The following LINGO2 variants were observed in gnomAD, a reference collection of about 807,000 sequenced individuals.
LINGO2 encodes leucine rich repeat and Ig domain containing 2.
In LINGO2, 14 loss-of-function variants were observed where a neutral mutation model predicts 30.6. The ratio of observed to expected loss-of-function variants is 0.46; its 90% CI spans 0.30 to 0.72. The LOEUF is 0.72. LINGO2 is among the 30% of genes least tolerant of loss of function. The pLI is 0.07. For synonymous variants in LINGO2, 317 were observed against 288.5 expected (o/e 1.10, Z -1.00); for missense variants, 729 against 751.7 (o/e 0.97, Z 0.35).
At chr9:27,979,420 G>A (rs145817503) in intron 5 of LINGO2, among the ~76,000 whole-genome samples, 1 of 152,042 alleles carries the variant, frequency 6.6e-6, no homozygotes, top group Non-Finnish European at 1.5e-5. Context: ...TGCTTCACTT[G>A]GTGATCCAGG....
chr9:29,119,532 C>T, the LINGO2 span, among the ~76,000 whole-genome samples: 1 of 149,002 alleles, frequency 6.7e-6, no homozygotes, highest in African/African-American at 2.5e-5. Context: ...GTAAGAATTG[C>T]TATAATAAGT....
At chr9:28,863,729 C>A in the LINGO2 span, 5 of 490,016 alleles carry the variant, frequency 1.0e-5, no homozygotes. Flanking sequence ...AGCCTGGTAC[C>A]TATGAACCAA....
At chr9:28,325,480 G>C (rs1182670290) in intron 3 of LINGO2, among the ~76,000 whole-genome samples, 1 of 152,088 alleles carries the variant, frequency 6.6e-6, no homozygotes, top group East Asian at 1.9e-4. Flanking sequence ...ATCTTGAATT[G>C]TAGCTCCCAT....
At chr9:28,039,711 G>C (rs1305296098) in intron 4 of LINGO2, among the ~76,000 whole-genome samples, 1 of 151,854 alleles carries the variant, frequency 6.6e-6, no homozygotes, top group Non-Finnish European at 1.5e-5. Flanking sequence ...CTCAATCATG[G>C]CAAGTCTCCT....
At chr9:29,103,803 G>A in the LINGO2 span, among the ~76,000 whole-genome samples, 1 of 152,060 alleles carries the variant, frequency 6.6e-6, no homozygotes, top group South Asian at 2.1e-4. Flanking sequence ...ATCAACAAAT[G>A]GCCATAATGA....
At chr9:27,956,301 C>T (rs184612074) in intron 5 of LINGO2, among the ~76,000 whole-genome samples, 1 of 152,258 alleles carries the variant, frequency 6.6e-6, no homozygotes, top group Non-Finnish European at 1.5e-5. Flanking sequence ...GCATTTTCCT[C>T]ATAACTAGTG....
Position 28,308,086 on chromosome 9 carries a change from A to G in LINGO2, c.-245-12720T>C, listed in dbSNP as rs1266805395. Among the ~76,000 whole-genome samples the G allele has an allele frequency of 4.2e-4, 61 of 144,900 alleles. 1 individual carries two copies. The highest frequency in any genetic ancestry group is 1.5e-3 in the African/African-American group (59 of 40,556). On this transcript the variant is annotated intron_variant, in intron 3 of 5. Coordinates refer to ENST00000379992, the Ensembl canonical transcript of LINGO2. ...ACAGAATTGGAAAAAACTACTTTAA[A>G]GTTCATATGGAACCAAAAAAGAGCC...
At chr9:29,133,617 A>C in the LINGO2 span, among the ~76,000 whole-genome samples, 1 of 152,122 alleles carries the variant, frequency 6.6e-6, no homozygotes, top group Non-Finnish European at 1.5e-5. Flanking sequence ...AAAATTTCAA[A>C]GAAATAGTAT....
the LINGO2 span, among the ~76,000 whole-genome samples, chr9:29,080,641 G>A: frequency 6.6e-6 from 1 of 151,994 alleles, no homozygotes; most frequent in South Asian, 2.1e-4. Context: ...CTGGTATGTT[G>A]TGTCTTTGGT....
chr9:29,127,802 A>G, the LINGO2 span, among the ~76,000 whole-genome samples: 5 of 152,108 alleles, frequency 3.3e-5, no homozygotes, highest in African/African-American at 1.2e-4. Context: ...TGATCCCTAC[A>G]TGTGATGCAA....
chr9:28,336,982 A>C (rs1825612049), intron 3 of LINGO2, among the ~76,000 whole-genome samples: 1 of 151,504 alleles, frequency 6.6e-6, no homozygotes, highest in Admixed American at 6.6e-5. Context: ...AAGTACTAAA[A>C]TTTGAATCAA....
intron 4 of LINGO2, among the ~76,000 whole-genome samples, chr9:28,046,056 G>A (rs1824407954): frequency 1.3e-5 from 2 of 152,110 alleles, no homozygotes; most frequent in South Asian, 4.1e-4. Flanking sequence ...GGTATGATGT[G>A]AGGCATCCAT....
chr9:28,017,572 A>G (rs1280301054), intron 4 of LINGO2, among the ~76,000 whole-genome samples: 1 of 152,280 alleles, frequency 6.6e-6, no homozygotes, highest in African/African-American at 2.4e-5. Flanking sequence ...TATATCGGCA[A>G]CATCCAAGCT....
the LINGO2 span, among the ~76,000 whole-genome samples, chr9:28,881,025 T>G: frequency 1.3e-5 from 2 of 152,136 alleles, 1 homozygote; most frequent in East Asian, 3.9e-4. Context: ...GCTGAAATAA[T>G]GAAAATAATA....
chr9:28,593,501 C>T (rs1365178632), intron 1 of LINGO2, among the ~76,000 whole-genome samples: 2 of 151,996 alleles, frequency 1.3e-5, no homozygotes, highest in East Asian at 1.9e-4. Flanking sequence ...GCAAATTGGT[C>T]TGTAGAAAGA....
In LINGO2 at chr9:28,199,347, T is replaced by C. The variant is rs200085364; in HGVS notation, c.-87+95861A>G. ...TCTTCTTCTTCTTCTTCTTCTTCTT[T>C]TTTTTTTTTTGAGACGGAGTCTCGC... On this transcript the variant is annotated intron_variant, in intron 4 of 5. Transcript: ENST00000379992. Among the ~76,000 whole-genome samples the C allele has an allele frequency of 2.6e-4, 25 of 96,700 alleles. 1 individual carries two copies. The highest frequency in any genetic ancestry group is 5.9e-3 in the Middle Eastern group (1 of 170). 63.4% of individuals were successfully genotyped at this position (96,700 alleles called of 152,430 possible).
At chr9:28,775,510 T>C in the LINGO2 span, among the ~76,000 whole-genome samples, 4 of 152,326 alleles carry the variant, frequency 2.6e-5, no homozygotes, top group African/African-American at 7.2e-5. Flanking sequence ...CATAGTTCCC[T>C]GGTCAATTAT....
rs1554690875 is a variant in LINGO2, at chr9:28,233,030, TTATATATATATA to T, written c.-87+62166_-87+62177del. Among the ~76,000 whole-genome samples, 28 of 77,680 alleles carry T rather than the reference TTATATATATATA, an allele frequency of 3.6e-4. 1 individual carries two copies. Among genetic ancestry groups the T allele is most frequent in the South Asian group, 2.5e-3 (5 of 2,040 alleles). The allele number at this position is 77,680 out of a possible 152,430, so 51.0% of individuals were successfully genotyped here. Reference sequence around the variant, plus strand: ...CTTCTCATGAGAGAGACAGTAAACATTATATATATATATATATATATATATATATATTAGATA... The same window carrying T: ...CTTCTCATGAGAGAGACAGTAAACATTATATATATATATATATATTAGATA... On this transcript the variant is annotated intron_variant, in intron 4 of 5. Transcript: ENST00000379992.
chr9:28,565,089 C>T (rs983689355), intron 1 of LINGO2, among the ~76,000 whole-genome samples: 1 of 152,062 alleles, frequency 6.6e-6, no homozygotes, highest in Admixed American at 6.6e-5. Flanking sequence ...TCCCTCCACC[C>T]GTATATATTC....
Sources: allele counts gnomAD v4.1 joint callset (sites outside exome capture counted in the v4.1 genomes callset), GRCh38; gene constraint gnomAD v4.1.1; transcripts MANE v1.5; gene names NCBI Gene and HGNC (gene_info 2026-07-23, HGNC 2026-07-21).